TASP1: variants seen among roughly 807,000 people sequenced by gnomAD.
TASP1 encodes the protein taspase 1, also known as threonine aspartase 1.
A neutral mutation model predicts 56.6 loss-of-function variants in TASP1; 16 were observed. The observed-to-expected ratio is 0.28, with a 90% confidence interval of 0.19 to 0.43. The LOEUF (loss-of-function observed/expected upper bound fraction) is 0.43. Ranked by LOEUF, TASP1 falls within the 20% of genes least tolerant of loss-of-function variation. The probability of loss-of-function intolerance (pLI) is 1.00; values close to 1 mark genes in which losing one functional copy is unlikely to be tolerated. For missense variants in TASP1, 393 were observed against 511.6 expected, an observed-to-expected ratio of 0.77 and a Z score of 2.24; for synonymous variants, 179 against 184.2, an observed-to-expected ratio of 0.97 and a Z score of 0.23.
intron 5 of TASP1, 130 bp downstream of exon 5, chr20:13,587,119 TA>T (rs1404495598): frequency 5.6e-5 from 69 of 1,236,100 alleles, no homozygotes; most frequent in Admixed American, 8.1e-5. Flanking sequence ...TTAAATTCAA[TA>T]AAAAAAGAAC....
intron 13 of TASP1, among the ~76,000 whole-genome samples, chr20:13,415,510 G>A (rs1272439606): frequency 1.3e-5 from 2 of 149,160 alleles, no homozygotes; most frequent in African/African-American, 4.9e-5. Context: ...GGAAGGAAGA[G>A]GGATTAACTC....
chr20:13,592,169 C>T (rs2047557125), intron 4 of TASP1, among the ~76,000 whole-genome samples: 2 of 151,974 alleles, frequency 1.3e-5, no homozygotes, highest in South Asian at 4.1e-4. Flanking sequence ...GAGGCCAAGG[C>T]AGGCGTATCA....
At chr20:13,393,089 G>T (rs1179020527) in intron 13 of TASP1, 13 of 618,332 alleles carry the variant, frequency 2.1e-5, no homozygotes, top group Non-Finnish European at 3.6e-5. Context: ...ACCATGAGAA[G>T]TATGACAACA....
intron 4 of TASP1, among the ~76,000 whole-genome samples, chr20:13,594,508 A>C (rs2047655324): frequency 6.6e-6 from 1 of 152,226 alleles, no homozygotes; most frequent in Non-Finnish European, 1.5e-5. Flanking sequence ...TAACTAGAAT[A>C]AACAGTGTAG....
the TASP1 span, chr20:13,168,910 G>C: frequency 1.3e-5 from 2 of 151,772 alleles, no homozygotes; most frequent in Admixed American, 1.3e-4. Context: ...TAATTATTGC[G>C]GGACATTGTC....
intron 5 of TASP1, among the ~76,000 whole-genome samples, chr20:13,585,881 T>C (rs1170103037): frequency 1.3e-5 from 2 of 152,168 alleles, no homozygotes; most frequent in African/African-American, 2.4e-5. Context: ...ACGCCTATAA[T>C]CTCAGCACTT....
At chr20:13,316,959 A>G in the TASP1 span, among the ~76,000 whole-genome samples, 6 of 151,938 alleles carry the variant, frequency 3.9e-5, no homozygotes, top group South Asian at 2.1e-4. Flanking sequence ...AAAAAGAAAT[A>G]AAAGCCATAT....
At chr20:13,367,211 G>A in the TASP1 span, among the ~76,000 whole-genome samples, 30 of 152,264 alleles carry the variant, frequency 2.0e-4, no homozygotes, top group East Asian at 2.1e-3. Flanking sequence ...CATGGTTAGC[G>A]GTAAATACAC....
At chr20:13,154,003 G>A in the TASP1 span, 3 of 1,613,624 alleles carry the variant, frequency 1.9e-6, no homozygotes, top group African/African-American at 4.0e-5. Flanking sequence ...CTCTTTTCAG[G>A]GCTGCAGAGA....
At chr20:13,559,620 A>G (rs2046275402) in intron 7 of TASP1, among the ~76,000 whole-genome samples, 1 of 152,206 alleles carries the variant, frequency 6.6e-6, no homozygotes, top group Admixed American at 6.5e-5. Context: ...CTTTGGTTCT[A>G]GATGTAAAGA....
the TASP1 span, among the ~76,000 whole-genome samples, chr20:13,278,015 C>T: frequency 6.6e-6 from 1 of 152,208 alleles, no homozygotes; most frequent in Non-Finnish European, 1.5e-5. Flanking sequence ...ATCTCAGCAA[C>T]TCTATCAGAT....
the TASP1 span, among the ~76,000 whole-genome samples, chr20:13,364,987 G>A: frequency 6.6e-6 from 1 of 152,232 alleles, no homozygotes; most frequent in East Asian, 1.9e-4. Flanking sequence ...CAAATGAAAA[G>A]ATGGATTTTG....
the TASP1 span, among the ~76,000 whole-genome samples, chr20:13,206,960 AG>A: frequency 2.0e-5 from 3 of 152,188 alleles, no homozygotes; most frequent in Non-Finnish European, 2.9e-5. Flanking sequence ...TGAAGGTAGG[AG>A]ATGAGTGGTC....
chr20:13,116,034 A>C, the TASP1 span, among the ~76,000 whole-genome samples: 2 of 152,156 alleles, frequency 1.3e-5, no homozygotes, highest in Non-Finnish European at 2.9e-5. Context: ...AAGAAAAGAC[A>C]ACTGTATTTG....
At chr20:13,633,650 TG>T (rs1181576323) in intron 1 of TASP1, among the ~76,000 whole-genome samples, 1 of 152,200 alleles carries the variant, frequency 6.6e-6, no homozygotes, top group African/African-American at 2.4e-5. Context: ...ATATCTGTGA[TG>T]TTTTTATCAT....
chr20:13,147,302 T>G, the TASP1 span, among the ~76,000 whole-genome samples: 1 of 152,180 alleles, frequency 6.6e-6, no homozygotes, highest in African/African-American at 2.4e-5. Flanking sequence ...CTCCAAATGT[T>G]CTTTTCTCCA....
chr20:13,488,510 T>C (rs970215683), intron 10 of TASP1, among the ~76,000 whole-genome samples: 1 of 152,150 alleles, frequency 6.6e-6, no homozygotes, highest in Non-Finnish European at 1.5e-5. Context: ...TAGAGACCGT[T>C]TCAGACATGT....
chr20:13,228,870 C>T, the TASP1 span, among the ~76,000 whole-genome samples: 22 of 152,106 alleles, frequency 1.4e-4, no homozygotes, highest in African/African-American at 1.4e-4. Context: ...TCTTATGTCT[C>T]GAGGCATTCT....
intron 11 of TASP1, among the ~76,000 whole-genome samples, chr20:13,467,269 T>G (rs1318618244): frequency 6.6e-6 from 1 of 151,700 alleles, no homozygotes; most frequent in Non-Finnish European, 1.5e-5. Flanking sequence ...TGTCAAATAT[T>G]GCAACCCTTC....
Sources: allele counts gnomAD v4.1 joint callset (sites outside exome capture counted in the v4.1 genomes callset), GRCh38; gene constraint gnomAD v4.1.1; transcripts MANE v1.5; gene names NCBI Gene and HGNC (gene_info 2026-07-23, HGNC 2026-07-21).